Variants in TNFRSF10D observed in about 807,000 individuals in gnomAD.
TNFRSF10D encodes the protein tumor necrosis factor receptor superfamily member 10D.
Under a neutral mutation model 42.1 loss-of-function variants are expected in TNFRSF10D, and 28 were observed. That is an observed-to-expected ratio of 0.66 (90% CI 0.49 to 0.91). TNFRSF10D has a LOEUF of 0.91. TNFRSF10D is among the 40% of genes least tolerant of loss of function. The pLI, the probability that TNFRSF10D is intolerant of heterozygous loss-of-function variation, is 0.00. For missense variants in TNFRSF10D, 503 were observed against 486.1 expected (o/e 1.03, Z -0.33); for synonymous variants, 186 against 189.4 (o/e 0.98, Z 0.15).
At chr8:23,146,283 A>G (rs1049748485) in intron 4 of TNFRSF10D, among the ~76,000 whole-genome samples, 5 of 152,208 alleles carry the variant, frequency 3.3e-5, no homozygotes, top group South Asian at 2.1e-4. Flanking sequence ...TCCAGTTAAC[A>G]CACAGTACAA....
intron 1 of TNFRSF10D, among the ~76,000 whole-genome samples, chr8:23,155,993 C>T (rs1800274820): frequency 6.6e-6 from 1 of 151,958 alleles, no homozygotes; most frequent in African/African-American, 2.4e-5. Flanking sequence ...CAAAGAGTGA[C>T]AGAAAAAGAT....
At position 23,137,628 on chromosome 8, in the gene TNFRSF10D, C is replaced by A. The variant is rs113164266; in HGVS notation, c.*242G>T. On this transcript the variant is annotated 3_prime_UTR_variant, in exon 9 of 9. Transcript: ENST00000312584. The stretch of plus-strand genomic sequence containing the variant: ...CCTAAAACGACCCTTAATACACAAT[C>A]GTATAACTATGCAGCCAAGAATCTG... 802 of 462,706 alleles carry A rather than the reference C, an allele frequency of 1.7e-3. 5 individuals are homozygous for A. Among genetic ancestry groups the A allele is most frequent in the African/African-American group, 0.012 (600 of 51,170 alleles). 28.7% of individuals were successfully genotyped at this position (462,706 alleles called of 1,614,324 possible). A position where few individuals can be genotyped will look rare whatever the true frequency, so the allele number is the denominator to read the frequency against.
chr8:23,156,249 A>G (rs1686140830), intron 1 of TNFRSF10D, among the ~76,000 whole-genome samples: 1 of 152,240 alleles, frequency 6.6e-6, no homozygotes, highest in Non-Finnish European at 1.5e-5. Flanking sequence ...AAAGTACAAA[A>G]TTAATTTAAT....
intron 2 of TNFRSF10D, among the ~76,000 whole-genome samples, chr8:23,149,270 T>C (rs1263128635): frequency 6.6e-6 from 1 of 151,198 alleles, no homozygotes; most frequent in African/African-American, 2.4e-5. Flanking sequence ...AGAGTTTCAC[T>C]CTTGTCACCC....
At chr8:23,152,423 C>T (rs1387557965) in intron 2 of TNFRSF10D, among the ~76,000 whole-genome samples, 1 of 152,174 alleles carries the variant, frequency 6.6e-6, no homozygotes, top group East Asian at 1.9e-4. Context: ...GAAGACAACA[C>T]CTGCAAAGAA....
rs1426310417 is a variant in TNFRSF10D, at chr8:23,136,128, T to C, written c.*1742A>G. ...CACAATGCCTTGAGATGGAAAAGACTGAAACCCCTAGAATGACTATATCCG... is the reference window on the plus strand; with the variant it reads ...CACAATGCCTTGAGATGGAAAAGACCGAAACCCCTAGAATGACTATATCCG... On this transcript the variant is annotated 3_prime_UTR_variant, in exon 9 of 9. Coordinates refer to ENST00000312584, the MANE Select transcript of TNFRSF10D (RefSeq NM_003840.5). 2 of 324,200 alleles carry C rather than the reference T, an allele frequency of 6.2e-6. No individual in the cohort carries two copies. The highest frequency in any genetic ancestry group is 5.3e-5 in the South Asian group (2 of 37,500). The allele number at this position is 324,200 out of a possible 1,614,324, so 20.1% of individuals were successfully genotyped here. A position where few individuals can be genotyped will look rare whatever the true frequency, so the allele number is the denominator to read the frequency against.
At chr8:23,162,213 G>C (rs1209484115) in intron 1 of TNFRSF10D, among the ~76,000 whole-genome samples, 2 of 152,238 alleles carry the variant, frequency 1.3e-5, no homozygotes, top group African/African-American at 4.8e-5. Flanking sequence ...AAGATTGATG[G>C]AGGGATCAAA....
In TNFRSF10D at chr8:23,135,876, T is replaced by G. The variant is rs1377970303; in HGVS notation, c.*1994A>C. 3 of 452,022 alleles carry G rather than the reference T, an allele frequency of 6.6e-6. No homozygotes were observed. The highest frequency in any genetic ancestry group is 1.3e-5 in the Non-Finnish European group (3 of 225,678). 28.0% of individuals were successfully genotyped at this position (452,022 alleles called of 1,614,324 possible). Reference sequence around the variant, plus strand: ...CTCTGAGCTTTGAGACCAAGTCTCCTGCACAGAAGGCCCAGCAAAGGCAAA... The same window carrying G: ...CTCTGAGCTTTGAGACCAAGTCTCCGGCACAGAAGGCCCAGCAAAGGCAAA... On this transcript the variant is annotated 3_prime_UTR_variant, in exon 9 of 9. Transcript: ENST00000312584.
intron 2 of TNFRSF10D, among the ~76,000 whole-genome samples, chr8:23,152,096 T>G (rs75025863): frequency 0.02 from 3,119 of 152,312 alleles, 121 homozygotes; most frequent in African/African-American, 0.072. Flanking sequence ...TTAAGTTATC[T>G]CTACTCTTTA....
At chr8:23,163,690 C>A (rs1800408380) in intron 1 of TNFRSF10D, 96 bp downstream of exon 1, 2 of 1,518,442 alleles carry the variant, frequency 1.3e-6, no homozygotes, top group Non-Finnish European at 1.8e-6. Context: ...CGCAGGCGAC[C>A]CGGGCCAAGC....
chr8:23,151,294 C>T (rs181152765), intron 2 of TNFRSF10D, among the ~76,000 whole-genome samples: 12 of 152,034 alleles, frequency 7.9e-5, no homozygotes, highest in African/African-American at 2.9e-4. Context: ...GAATACTACA[C>T]CTGGCAAGCC....
chr8:23,143,503 T>C (rs972904452), intron 7 of TNFRSF10D, among the ~76,000 whole-genome samples: 7 of 152,046 alleles, frequency 4.6e-5, no homozygotes, highest in African/African-American at 1.7e-4. Context: ...TTCAGCAGCG[T>C]GGAGTAATTG....
chr8:23,162,394 A>G (rs114336426), intron 1 of TNFRSF10D, among the ~76,000 whole-genome samples: 434 of 151,452 alleles, frequency 2.9e-3, no homozygotes, highest in African/African-American at 9.1e-3. Context: ...TGTAGAAGTC[A>G]GTTGTGTAAT....
At chr8:23,153,162 A>G (rs189618941) in intron 2 of TNFRSF10D, among the ~76,000 whole-genome samples, 154 of 152,352 alleles carry the variant, frequency 1.0e-3, no homozygotes, top group Non-Finnish European at 1.6e-3. Flanking sequence ...GAAAGTAGAT[A>G]TTGACCTGCA....
intron 1 of TNFRSF10D, among the ~76,000 whole-genome samples, chr8:23,158,327 G>A (rs1038618369): frequency 3.3e-5 from 5 of 152,090 alleles, no homozygotes; most frequent in Non-Finnish European, 7.4e-5. Context: ...CTCGGATCTC[G>A]TCCACCGCTA....
intron 1 of TNFRSF10D, among the ~76,000 whole-genome samples, chr8:23,159,048 A>G (rs554586197): frequency 2.6e-5 from 4 of 152,232 alleles, no homozygotes; most frequent in East Asian, 3.9e-4. Flanking sequence ...GAGGAATCAC[A>G]TGGTATGCAT....
At chr8:23,144,774 C>T (rs1800090448) in intron 6 of TNFRSF10D, 139 bp from the exon 7 acceptor site, 2 of 1,116,366 alleles carry the variant, frequency 1.8e-6, no homozygotes, top group African/African-American at 1.6e-5. Context: ...ATCCAGGACC[C>T]CATGCTGAGG....
intron 7 of TNFRSF10D, among the ~76,000 whole-genome samples, chr8:23,143,821 C>T (rs116075975): frequency 6.0e-3 from 910 of 151,874 alleles, no homozygotes; most frequent in African/African-American, 0.019. Context: ...TAAAAGTCCA[C>T]AAAAAATTAG....
chr8:23,143,491 G>A (rs909552421), intron 7 of TNFRSF10D, among the ~76,000 whole-genome samples: 16 of 152,094 alleles, frequency 1.1e-4, no homozygotes, highest in African/African-American at 3.4e-4. Context: ...GGTGCAATGC[G>A]ATTCAGCAGC....
Sources: allele counts gnomAD v4.1 joint callset (sites outside exome capture counted in the v4.1 genomes callset), GRCh38; gene constraint gnomAD v4.1.1; transcripts MANE v1.5; gene names NCBI Gene and HGNC (gene_info 2026-07-23, HGNC 2026-07-21).